Variants in BBS9 observed in about 807,000 individuals in gnomAD.
The protein encoded by BBS9 is protein PTHB1.
Under a neutral mutation model 117.7 loss-of-function variants are expected in BBS9, and 89 were observed. The ratio of observed to expected loss-of-function variants is 0.76; its 90% CI spans 0.64 to 0.90. The LOEUF (loss-of-function observed/expected upper bound fraction) is 0.90. BBS9 is among the 40% of genes least tolerant of loss of function. The pLI is 0.00. For synonymous variants in BBS9, 379 were observed against 370.9 expected, an observed-to-expected ratio of 1.02 and a Z score of -0.25; for missense variants, 982 against 1,042.2, an observed-to-expected ratio of 0.94 and a Z score of 0.80.
At chr7:33,547,837 T>G (rs181339312) in intron 21 of BBS9, among the ~76,000 whole-genome samples, 2 of 152,328 alleles carry the variant, frequency 1.3e-5, no homozygotes, top group Admixed American at 1.3e-4. Flanking sequence ...TAAAGAGGTG[T>G]TCAGTTATTG....
intron 5 of BBS9, among the ~76,000 whole-genome samples, chr7:33,178,271 G>A (rs1301900440): frequency 6.6e-6 from 1 of 152,202 alleles, no homozygotes; most frequent in African/African-American, 2.4e-5. Context: ...AGAGGAAGGG[G>A]TGCTTTTTCT....
chr7:33,351,334 A>G lies in BBS9; in HGVS notation c.1537+11A>G. The G allele has an allele frequency of 1.3e-6, 2 of 1,541,478 alleles. No individual in the cohort carries two copies. The highest frequency in any genetic ancestry group is 1.8e-6 in the Non-Finnish European group (2 of 1,113,876). On this transcript the variant is annotated intron_variant, in intron 14 of 22. Coordinates refer to ENST00000242067, the MANE Select transcript of BBS9 (RefSeq NM_198428.3). ...ATTCCAGACCAACAGGTAAACATACAGGCTTAATCATTACTTTAAGTTGTT... is the reference window on the plus strand; with the variant it reads ...ATTCCAGACCAACAGGTAAACATACGGGCTTAATCATTACTTTAAGTTGTT...
intron 21 of BBS9, among the ~76,000 whole-genome samples, chr7:33,625,413 A>G (rs1331534279): frequency 6.6e-6 from 1 of 152,198 alleles, no homozygotes; most frequent in Admixed American, 6.5e-5. Context: ...CCACATGAGG[A>G]AACTGCCAAG....
At chr7:33,359,390 A>G (rs1262674988) in intron 16 of BBS9, among the ~76,000 whole-genome samples, 1 of 152,060 alleles carries the variant, frequency 6.6e-6, no homozygotes. Flanking sequence ...TACGAATTGT[A>G]TAGTGTGTAC....
intron 4 of BBS9, among the ~76,000 whole-genome samples, chr7:33,156,153 C>T (rs901349129): frequency 2.0e-5 from 3 of 152,206 alleles, no homozygotes; most frequent in African/African-American, 7.2e-5. Flanking sequence ...TGTCTTCACT[C>T]AGTCAGGCTT....
chr7:33,459,335 G>A (rs1158523475), intron 19 of BBS9, among the ~76,000 whole-genome samples: 1 of 151,910 alleles, frequency 6.6e-6, no homozygotes, highest in African/African-American at 2.4e-5. Flanking sequence ...AAGTCTGGGG[G>A]CATTTTTGAT....
intron 5 of BBS9, among the ~76,000 whole-genome samples, chr7:33,202,426 C>G (rs992214806): frequency 1.3e-5 from 2 of 152,090 alleles, no homozygotes; most frequent in African/African-American, 4.8e-5. Context: ...AGAATATGAG[C>G]CATTTACTAT....
intron 9 of BBS9, among the ~76,000 whole-genome samples, chr7:33,295,191 A>G (rs1187307883): frequency 6.6e-6 from 1 of 152,138 alleles, no homozygotes; most frequent in Non-Finnish European, 1.5e-5. Context: ...AAGAGATACT[A>G]ATTGCCATTG....
chr7:33,368,047 A>G (rs954133842), intron 17 of BBS9, among the ~76,000 whole-genome samples, 185 bp downstream of exon 17: 3 of 152,190 alleles, frequency 2.0e-5, no homozygotes, highest in Non-Finnish European at 4.4e-5. Flanking sequence ...TTATTAGAGA[A>G]CACTGATGTT....
rs373571464 is a variant in BBS9, at chr7:33,146,984, T to C, written c.112+620T>C. On this transcript the variant is annotated intron_variant, in intron 2 of 22. Coordinates refer to ENST00000242067, the MANE Select transcript of BBS9 (RefSeq NM_198428.3). Reference sequence around the variant, plus strand: ...ACAGTTAGTAAAATATTTTGTATTTTGAAAAATTTCCTTTTGTAGAAATTC... The same window carrying C: ...ACAGTTAGTAAAATATTTTGTATTTCGAAAAATTTCCTTTTGTAGAAATTC... Among the ~76,000 whole-genome samples, 53 of 152,302 alleles carry C rather than the reference T, an allele frequency of 3.5e-4. No individual in the cohort carries two copies. The South Asian group carries it at 0.011, about 31-fold the overall frequency.
chr7:33,303,517 T>TCCCCCCCCCC, intron 9 of BBS9, among the ~76,000 whole-genome samples: 1 of 66,354 alleles, frequency 1.5e-5, no homozygotes, highest in Non-Finnish European at 2.9e-5. Flanking sequence ...ACTGAAATGA[T>TCCCCCCCCCC]CCCCTCCCCC....
At chr7:33,503,979 T>C (rs1845808259) in intron 19 of BBS9, among the ~76,000 whole-genome samples, 1 of 152,222 alleles carries the variant, frequency 6.6e-6, no homozygotes, top group Non-Finnish European at 1.5e-5. Flanking sequence ...TGCTAACTTC[T>C]TTCACACTTA....
chr7:33,502,050 C>G (rs1231700923), intron 19 of BBS9, among the ~76,000 whole-genome samples: 2 of 152,126 alleles, frequency 1.3e-5, no homozygotes, highest in African/African-American at 4.8e-5. Context: ...ACTGGGATTA[C>G]AGGCACGTGC....
chr7:33,587,983 C>T (rs941615156), intron 21 of BBS9, among the ~76,000 whole-genome samples: 2 of 151,948 alleles, frequency 1.3e-5, no homozygotes, highest in Non-Finnish European at 2.9e-5. Context: ...CTTCTTCATT[C>T]GTTTTGAGAA....
intron 16 of BBS9, 99 bp downstream of exon 16, chr7:33,358,094 A>G: frequency 6.9e-7 from 1 of 1,455,946 alleles, no homozygotes; most frequent in Admixed American, 1.7e-5. Flanking sequence ...TTATCAGATA[A>G]TTGTTAAGTA....
chr7:33,428,149 A>T (rs929377693), intron 19 of BBS9, among the ~76,000 whole-genome samples: 3 of 152,138 alleles, frequency 2.0e-5, no homozygotes, highest in Non-Finnish European at 2.9e-5. Flanking sequence ...TTGCACCAGA[A>T]CAACAGGTAT....
chr7:33,210,487 A>G (rs1212704723), intron 5 of BBS9, among the ~76,000 whole-genome samples: 1 of 152,100 alleles, frequency 6.6e-6, no homozygotes, highest in African/African-American at 2.4e-5. Flanking sequence ...TGGGGTGTTG[A>G]CATTTCTAGC....
At chr7:33,592,320 T>G (rs1354699253) in intron 21 of BBS9, among the ~76,000 whole-genome samples, 1 of 152,066 alleles carries the variant, frequency 6.6e-6, no homozygotes, top group East Asian at 1.9e-4. Flanking sequence ...AGAAAGCACA[T>G]GCTATATTTT....
Position 33,432,301 on chromosome 7 carries a change from G to T in BBS9, c.2115+44157G>T, listed in dbSNP as rs866113784. Among the ~76,000 whole-genome samples, 4 of 151,120 alleles carry T rather than the reference G, an allele frequency of 2.6e-5. No individual in the cohort carries two copies. The Middle Eastern group carries it at 0.01, about 388-fold the overall frequency. On this transcript the variant is annotated intron_variant, in intron 19 of 22. Coordinates refer to ENST00000242067, the MANE Select transcript of BBS9 (RefSeq NM_198428.3). ...TTTTTTTTTTTTTTTAGTAGAGACG[G>T]GGTTTCACCGTGTTAGCCAGGATAG...
Sources: gnomAD v4.1 joint callset for allele counts (sites outside exome capture counted in the v4.1 genomes callset) on GRCh38, gnomAD v4.1.1 for gene constraint, MANE v1.5 for transcripts, NCBI Gene and HGNC (gene_info 2026-07-23, HGNC 2026-07-21) for gene names.